The following ARAP2 variants were observed in gnomAD, a reference collection of about 807,000 sequenced individuals.
ARAP2 encodes arf-GAP with Rho-GAP domain, ANK repeat and PH domain-containing protein 2.
ARAP2 carries 148 observed loss-of-function variants against 194.5 expected under a neutral mutation model. The observed-to-expected ratio is 0.76, with a 90% CI of 0.67 to 0.87. The LOEUF (loss-of-function observed/expected upper bound fraction) is 0.87. Ranked by LOEUF, ARAP2 falls within the 40% of genes least tolerant of loss-of-function variation. The pLI is 0.00. For missense variants in ARAP2, 2,128 were observed against 1,989.7 expected, an observed-to-expected ratio of 1.07 and a Z score of -1.32; for synonymous variants, 695 against 683.5, an observed-to-expected ratio of 1.02 and a Z score of -0.26.
At chr4:36,194,383 C>T (rs888445987) in intron 6 of ARAP2, among the ~76,000 whole-genome samples, 2 of 152,114 alleles carry the variant, frequency 1.3e-5, no homozygotes, top group African/African-American at 2.4e-5. Context: ...TATTCTCCTT[C>T]CCTGAAGGCA....
intron 28 of ARAP2, among the ~76,000 whole-genome samples, chr4:36,085,034 G>A (rs1275657567): frequency 4.6e-5 from 7 of 152,128 alleles, no homozygotes; most frequent in Non-Finnish European, 7.4e-5. Context: ...AAGTGTGAGC[G>A]TGTATTTATG....
At chr4:36,038,071 A>T (rs1440545783) in intron 5 of ARAP2, among the ~76,000 whole-genome samples, 1 of 152,142 alleles carries the variant, frequency 6.6e-6, no homozygotes, top group Non-Finnish European at 1.5e-5. Context: ...TGCAGAGTCT[A>T]ACCATAGGAG....
At chr4:36,145,945 G>A (rs953476652) in intron 19 of ARAP2, among the ~76,000 whole-genome samples, 5 of 151,908 alleles carry the variant, frequency 3.3e-5, no homozygotes, top group East Asian at 3.9e-4. Flanking sequence ...TTAGACATGC[G>A]TATTCAACCG....
At position 36,124,933 on chromosome 4, in the gene ARAP2, A is replaced by G; in HGVS notation, c.3675T>C (p.Tyr1225=). Residue 1225 remains tyrosine (Y), a synonymous_variant, in exon 22 of 33, where the codon TAT becomes TAC. Coordinates refer to ENST00000303965, the MANE Select transcript of ARAP2 (RefSeq NM_015230.4). ...CTGGAAGAGAACGTATAAATGCTCC[A>G]TATTTTTTAATTCTTTCCTTGTCAT... is the stretch of plus-strand genomic sequence containing the variant. The part of the protein sequence containing the change: ...TQDDKERIKK[Y]GAFIRSLPGV... The G allele has an allele frequency of 1.2e-6, 2 of 1,610,714 alleles. No homozygotes were observed. The highest frequency in any genetic ancestry group is 1.7e-6 in the Non-Finnish European group (2 of 1,177,952).
intron 25 of ARAP2, 27 bp downstream of exon 25, chr4:36,117,034 C>A: frequency 6.8e-7 from 1 of 1,478,390 alleles, no homozygotes; most frequent in Non-Finnish European, 9.1e-7. Flanking sequence ...TCCAACAGTC[C>A]TCTTTACATC....
chr4:36,128,503 C>CACACAT (rs372054639), intron 21 of ARAP2, 30 bp downstream of exon 21: 136 of 1,512,154 alleles, frequency 9.0e-5, no homozygotes, highest in South Asian at 4.7e-4. Flanking sequence ...CACACACACA[C>CACACAT]ATATCTACAA....
intron 3 of ARAP2, among the ~76,000 whole-genome samples, chr4:36,047,724 A>G (rs1722056767): frequency 6.6e-6 from 1 of 152,236 alleles, no homozygotes; most frequent in African/African-American, 2.4e-5. Flanking sequence ...TCCAGATAGC[A>G]GCAACAACTA....
intron 24 of ARAP2, 47 bp from the exon 25 acceptor site, chr4:36,117,182 AAAC>A (rs1721561910): frequency 7.2e-7 from 1 of 1,382,410 alleles, no homozygotes. Flanking sequence ...CATATTGTAA[AAAC>A]ACATATTTGA....
At chr4:36,173,626 A>C (rs1737149163) in intron 9 of ARAP2, among the ~76,000 whole-genome samples, 1 of 152,170 alleles carries the variant, frequency 6.6e-6, no homozygotes, top group Non-Finnish European at 1.5e-5. Flanking sequence ...AGATCCCAAT[A>C]AATAAATGGA....
intron 21 of ARAP2, 44 bp from the exon 22 acceptor site, chr4:36,125,011 C>G (rs1252820790): frequency 7.9e-7 from 1 of 1,265,136 alleles, no homozygotes; most frequent in Admixed American, 1.7e-5. Context: ...AACTAATTAT[C>G]TATGTTATGG....
chr4:36,133,517 G>T, intron 19 of ARAP2, 128 bp from the exon 20 acceptor site: 1 of 803,022 alleles, frequency 1.2e-6, no homozygotes, highest in Non-Finnish European at 1.9e-6. Flanking sequence ...CATCCACCAC[G>T]AGCTTCCACT....
chr4:36,010,152 A>T (rs10022211), intron 9 of ARAP2, among the ~76,000 whole-genome samples: 122,088 of 150,770 alleles, frequency 0.81, 49,540 homozygotes, highest in Admixed American at 0.86. Context: ...AATAAATATA[A>T]TTATATGTTG....
Position 36,178,862 on chromosome 4 carries a change from T to TA in ARAP2, c.1679-858dup, listed in dbSNP as rs1447506396. ...ACAACTTTTCTTGAAACTATGGGGG[T>TA]AAAAAAGAGGTATATGTGGTAGATC... On this transcript the variant is annotated intron_variant, in intron 8 of 32. Transcript: ENST00000303965. Among the ~76,000 whole-genome samples the TA allele has an allele frequency of 2.0e-5, 3 of 151,712 alleles. No individual in the cohort carries two copies. In the East Asian group the frequency reaches 5.8e-4, roughly 29 times the overall value.
At chr4:36,051,419 A>G (rs987726449) in intron 3 of ARAP2, among the ~76,000 whole-genome samples, 5 of 152,086 alleles carry the variant, frequency 3.3e-5, no homozygotes, top group Admixed American at 6.5e-5. Flanking sequence ...AGAGGTTACA[A>G]TGAGTTGAAA....
intron 25 of ARAP2, 152 bp downstream of exon 25, chr4:36,116,909 C>T: frequency 2.5e-6 from 1 of 394,308 alleles, no homozygotes; most frequent in Non-Finnish European, 4.4e-6. Flanking sequence ...TACAGAATTC[C>T]TGGGGGATAT....
intron 7 of ARAP2, among the ~76,000 whole-genome samples, chr4:36,191,065 G>T (rs565016752): frequency 1.3e-5 from 2 of 152,314 alleles, no homozygotes; most frequent in East Asian, 3.9e-4. Flanking sequence ...GAGCCCCTCT[G>T]CTCTAAGTCT....
intron 28 of ARAP2, among the ~76,000 whole-genome samples, chr4:36,091,483 A>G (rs775011671): frequency 1.3e-5 from 2 of 152,164 alleles, no homozygotes; most frequent in Non-Finnish European, 2.9e-5. Context: ...GAAAGATACT[A>G]ATAAGATTTA....
At chr4:36,156,411 GAA>G (rs755849861) in intron 15 of ARAP2, among the ~76,000 whole-genome samples, 24,808 of 43,898 alleles carry the variant, frequency 0.57, 4,695 homozygotes, top group South Asian at 0.64. Flanking sequence ...AAGAAAGAAA[GAA>G]AGAAAGAAAG....
intron 27 of ARAP2, among the ~76,000 whole-genome samples, chr4:36,097,773 A>G (rs1335475546): frequency 1.3e-5 from 2 of 152,110 alleles, no homozygotes; most frequent in African/African-American, 4.8e-5. Flanking sequence ...ATCAAATTAC[A>G]GCATACTGTT....
Sources: allele counts gnomAD v4.1 joint callset (sites outside exome capture counted in the v4.1 genomes callset), GRCh38; gene constraint gnomAD v4.1.1; transcripts MANE v1.5; gene names NCBI Gene and HGNC (gene_info 2026-07-23, HGNC 2026-07-21).